The following SLC26A8 variants were observed in gnomAD, a reference collection of about 807,000 sequenced individuals.
SLC26A8 encodes the protein solute carrier family 26 member 8.
Under a neutral mutation model 105.0 loss-of-function variants are expected in SLC26A8, and 70 were observed. The ratio of observed to expected loss-of-function variants is 0.67; its 90% CI spans 0.55 to 0.81. SLC26A8 has a LOEUF of 0.81. Ranked by LOEUF, SLC26A8 falls within the 40% of genes least tolerant of loss-of-function variation. The pLI, the probability that SLC26A8 is intolerant of heterozygous loss-of-function variation, is 0.00. For missense variants in SLC26A8, 998 were observed against 1,181.8 expected (o/e 0.84, Z 2.28); for synonymous variants, 415 against 438.3 (o/e 0.95, Z 0.66).
At chr6:36,004,728 C>A (rs1761634849) in intron 3 of SLC26A8, among the ~76,000 whole-genome samples, 1 of 151,782 alleles carries the variant, frequency 6.6e-6, no homozygotes, top group African/African-American at 2.4e-5. Context: ...TGGCTCACTG[C>A]AGCCTCAACC....
intron 1 of SLC26A8, among the ~76,000 whole-genome samples, chr6:36,019,921 T>G (rs1312648829): frequency 2.0e-5 from 3 of 152,220 alleles, no homozygotes; most frequent in African/African-American, 4.8e-5. Context: ...GTTTAAACAG[T>G]CTTTGCTGTT....
At chr6:35,970,425 G>A (rs546155161) in intron 10 of SLC26A8, among the ~76,000 whole-genome samples, 1 of 152,236 alleles carries the variant, frequency 6.6e-6, no homozygotes, top group South Asian at 2.1e-4. Flanking sequence ...AGTAGTGTAG[G>A]AAGTACTCAG....
chr6:35,988,985 C>T (rs532160378), intron 7 of SLC26A8, among the ~76,000 whole-genome samples: 22 of 151,782 alleles, frequency 1.4e-4, no homozygotes, highest in Middle Eastern at 3.4e-3. Context: ...GAACTATGGG[C>T]GCCTGCCACC....
At chr6:36,020,798 AT>A (rs1457825555) in intron 1 of SLC26A8, among the ~76,000 whole-genome samples, 1 of 152,240 alleles carries the variant, frequency 6.6e-6, no homozygotes, top group Non-Finnish European at 1.5e-5. Context: ...AAAAAAGCAT[AT>A]GTATAAACCA....
chr6:35,968,609 G>GTGTGTGTGTATATATA (rs1168496588), intron 11 of SLC26A8, among the ~76,000 whole-genome samples: 3 of 60,068 alleles, frequency 5.0e-5, no homozygotes, highest in African/African-American at 1.6e-4. Context: ...GTGTGTGTGT[G>GTGTGTGTGTATATATA]TATATATATA....
chr6:36,001,553 G>T (rs1761524022), intron 3 of SLC26A8, among the ~76,000 whole-genome samples: 1 of 152,228 alleles, frequency 6.6e-6, no homozygotes, highest in Non-Finnish European at 1.5e-5. Context: ...AGATTAGGTT[G>T]CAAAAAGACT....
intron 3 of SLC26A8, among the ~76,000 whole-genome samples, chr6:36,004,074 CTTT>C (rs1184419646): frequency 5.2e-5 from 6 of 114,396 alleles, no homozygotes; most frequent in Admixed American, 9.2e-5. Context: ...TTTATTTCTG[CTTT>C]TTTTTTTTTT....
intron 5 of SLC26A8, among the ~76,000 whole-genome samples, chr6:35,995,596 C>T (rs925531282): frequency 5.9e-5 from 9 of 152,158 alleles, no homozygotes; most frequent in African/African-American, 2.2e-4. Flanking sequence ...TTTTCTTAAC[C>T]TCTCTATGCC....
Position 35,997,795 on chromosome 6 carries a change from G to T in SLC26A8, c.570C>A (p.Gly190=). Reference sequence around the variant, plus strand: ...CCACCACACTCAAGGATTTATTATAGCCCATAAGGTAGGAGGGGGCCGAAA... The same window carrying T: ...CCACCACACTCAAGGATTTATTATATCCCATAAGGTAGGAGGGGGCCGAAA... ...NEFSAPSYLM[G]YNKSLSVVAT... is the part of the protein sequence containing the mutation. The change falls in exon 5 of 20, where the codon GGC becomes GGA. Residue 190 remains glycine (G), a synonymous_variant. Transcript: ENST00000490799. 6.2e-7 allele frequency: 1 copy of T among 1,614,090 alleles called. No homozygotes were observed. The highest frequency in any genetic ancestry group is 8.5e-7 in the Non-Finnish European group (1 of 1,180,006).
intron 17 of SLC26A8, 82 bp downstream of exon 17, chr6:35,955,070 A>C: frequency 6.4e-7 from 1 of 1,563,000 alleles, no homozygotes; most frequent in African/African-American, 1.3e-5. Context: ...TCAGTGACTA[A>C]CAGAATTCAA....
chr6:35,955,663 T>A, intron 16 of SLC26A8, 143 bp from the exon 17 acceptor site: 1 of 1,075,328 alleles, frequency 9.3e-7, no homozygotes, highest in Non-Finnish European at 1.3e-6. Flanking sequence ...GTGCATTTTT[T>A]ACTTGGATAT....
chr6:35,949,655 T>C (rs1001860054), intron 19 of SLC26A8, among the ~76,000 whole-genome samples: 10 of 152,030 alleles, frequency 6.6e-5, no homozygotes, highest in African/African-American at 2.4e-4. Flanking sequence ...ATATCGAGTA[T>C]CATAATTATA....
At chr6:35,971,674 A>G (rs1772801773) in intron 10 of SLC26A8, among the ~76,000 whole-genome samples, 1 of 152,238 alleles carries the variant, frequency 6.6e-6, no homozygotes, top group African/African-American at 2.4e-5. Flanking sequence ...GCCCAAGGTC[A>G]CATACATCTA....
chr6:35,997,617 A>T, intron 5 of SLC26A8, 121 bp downstream of exon 5: 1 of 1,063,484 alleles, frequency 9.4e-7, no homozygotes, highest in East Asian at 2.6e-5. Context: ...GATTTTTCAA[A>T]AAATAAATCA....
intron 3 of SLC26A8, among the ~76,000 whole-genome samples, chr6:36,004,476 G>C (rs1257009866): frequency 6.7e-6 from 1 of 150,260 alleles, no homozygotes; most frequent in African/African-American, 2.5e-5. Context: ...AATTTTTTTT[G>C]CTTTTAAAAA....
At chr6:35,962,468 TC>T (rs1772344987) in intron 12 of SLC26A8, 57 bp downstream of exon 12, 2 of 1,380,186 alleles carry the variant, frequency 1.4e-6, no homozygotes, top group East Asian at 4.6e-5. Context: ...TTGTTCTTTC[TC>T]CCTCTCTCCA....
At chr6:36,017,321 G>A (rs1263046209) in intron 2 of SLC26A8, among the ~76,000 whole-genome samples, 4 of 152,074 alleles carry the variant, frequency 2.6e-5, no homozygotes, top group Non-Finnish European at 5.9e-5. Flanking sequence ...CAGATAAATT[G>A]GATTTCATCA....
Position 35,943,674 on chromosome 6 carries a change from G to T in SLC26A8, c.*226C>A. On this transcript the variant is annotated 3_prime_UTR_variant, in exon 20 of 20. Coordinates refer to ENST00000490799, the MANE Select transcript of SLC26A8 (RefSeq NM_052961.4). ...AGAATATATGCTGAAGGTGAAATGA[G>T]GGGAGCCTGGATAGGGAATTCAGAG... 2 of 568,834 alleles carry T rather than the reference G, an allele frequency of 3.5e-6. No individual in the cohort carries two copies. The highest frequency in any genetic ancestry group is 6.0e-6 in the Non-Finnish European group (2 of 334,076). The allele number at this position is 568,834 out of a possible 1,614,324, so 35.2% of individuals were successfully genotyped here.
At chr6:35,976,159 C>T (rs1773012449) in intron 9 of SLC26A8, among the ~76,000 whole-genome samples, 1 of 152,106 alleles carries the variant, frequency 6.6e-6, no homozygotes, top group East Asian at 2.0e-4. Flanking sequence ...GGTGCGGTGG[C>T]TCACACCTGT....
Sources: gnomAD v4.1 joint callset for allele counts (sites outside exome capture counted in the v4.1 genomes callset) on GRCh38, gnomAD v4.1.1 for gene constraint, MANE v1.5 for transcripts, NCBI Gene and HGNC (gene_info 2026-07-23, HGNC 2026-07-21) for gene names.